The following MYC variants were observed in gnomAD, a reference collection of about 807,000 sequenced individuals.
MYC encodes MYC proto-oncogene, bHLH transcription factor.
In MYC, 1 loss-of-function variant was observed where a neutral mutation model predicts 30.5. That is an observed-to-expected ratio of 0.03 (90% confidence interval 0.01 to 0.16). MYC has a LOEUF of 0.16. MYC is among the 10% of genes least tolerant of loss of function. MYC has a pLI of 1.00. For missense variants in MYC, 508 were observed against 589.0 expected (o/e 0.86, Z 1.42); for synonymous variants, 267 against 250.7 (o/e 1.07, Z -0.62).
chr8:127,741,131 T>TC lies in MYC; in HGVS notation c.*173_*174insC. On this transcript the variant is annotated 3_prime_UTR_variant, in exon 3 of 3. Coordinates refer to ENST00000621592, the MANE Select transcript of MYC (RefSeq NM_002467.6). Reference sequence around the variant, plus strand: ...ATTGGACTTTGGGCATAAAAGAACTTTTTTATGCTTACCATCTTTTTTTTT... The same window carrying TC: ...ATTGGACTTTGGGCATAAAAGAACTTCTTTTATGCTTACCATCTTTTTTTTT... The TC allele has an allele frequency of 4.4e-6, 2 of 458,078 alleles. No individual in the cohort carries two copies. Among genetic ancestry groups the TC allele is most frequent in the Non-Finnish European group, 3.7e-6 (1 of 272,354 alleles). The allele number at this position is 458,078 out of a possible 1,614,324, so 28.4% of individuals were successfully genotyped here.
intron 1 of MYC, among the ~76,000 whole-genome samples, chr8:127,737,351 G>A (rs980987336): frequency 1.3e-5 from 2 of 152,210 alleles, no homozygotes; most frequent in African/African-American, 2.4e-5. Flanking sequence ...AAAAACCAGG[G>A]CGAATCTCCG....
At position 127,738,458 on chromosome 8, in the gene MYC, C is replaced by G. The variant is rs375402667; in HGVS notation, c.241C>G (p.Arg81Gly). The change falls in exon 2 of 3, where the codon CGC becomes GGC. Residue 81 changes from arginine (R) to glycine (G), a missense_variant. Arg to Gly is a moderately radical substitution (Grantham distance 125). Transcript: ENST00000621592. The surrounding 1 kb of genome is among the most constrained non-coding windows in gnomAD (Gnocchi z 7.6). Reference sequence around the variant, plus strand: ...CACCCCGCCCCTGTCCCCTAGCCGCCGCTCCGGGCTCTGCTCGCCCTCCTA... The same window carrying G: ...CACCCCGCCCCTGTCCCCTAGCCGCGGCTCCGGGCTCTGCTCGCCCTCCTA... 1.0e-5 allele frequency: 16 copies of G among 1,607,136 alleles called. No individual in the cohort carries two copies. The African/African-American group carries it at 1.7e-4, about 17-fold the overall frequency.
At position 127,741,866 on chromosome 8, in the gene MYC, G is replaced by C. The variant is rs1296091102; in HGVS notation, c.*908G>C. On this transcript the variant is annotated 3_prime_UTR_variant, in exon 3 of 3. Transcript: ENST00000621592. ...GACACGGTGGGAACCAGCTTCTGCT[G>C]CCTTCACAACCAGGCGCCAGTCCTG... Among the ~76,000 whole-genome samples the C allele has an allele frequency of 3.3e-5, 5 of 152,294 alleles. No homozygotes were observed. The highest frequency in any genetic ancestry group is 7.3e-5 in the Non-Finnish European group (5 of 68,036).
chr8:127,735,968 C>G (rs556426105), upstream of MYC: 54 of 398,112 alleles, frequency 1.4e-4, no homozygotes, highest in Middle Eastern at 1.9e-3. Flanking sequence ...GCGCCCCTCC[C>G]GGGTTCCCAA....
At position 127,739,013 on chromosome 8, in the gene MYC, G is replaced by T; in HGVS notation, c.796G>T (p.Asp266Tyr). ...GGAGACACCGCCCACCACCAGCAGC[G>T]ACTCTGGTAAGCGAAGCCCGCCCAG... The change falls in exon 2 of 3, where the codon GAC becomes TAC. Residue 266 changes from aspartate (D) to tyrosine (Y), a missense_variant. By Grantham distance (160) the Asp-to-Tyr change is radical. This residue lies in a region of MYC where 364 missense variants were observed against 381.1 expected (regional missense o/e 0.96). Transcript: ENST00000621592. The T allele has an allele frequency of 6.6e-7, 1 of 1,510,074 alleles. No individual in the cohort carries two copies. Among genetic ancestry groups the T allele is most frequent in the South Asian group, 1.3e-5 (1 of 76,724 alleles). The allele number at this position is 1,510,074 out of a possible 1,614,324, so 93.5% of individuals were successfully genotyped here.
Position 127,740,310 on chromosome 8 carries a change from C to T in MYC, c.803-86C>T, listed in dbSNP as rs1405851888. The T allele has an allele frequency of 1.6e-5, 21 of 1,347,614 alleles. No homozygotes were observed. In the Middle Eastern group the frequency reaches 1.5e-3, roughly 97 times the overall value. 83.5% of individuals were successfully genotyped at this position (1,347,614 alleles called of 1,614,324 possible). A position where few individuals can be genotyped will look rare whatever the true frequency, so the allele number is the denominator to read the frequency against. On this transcript the variant is annotated intron_variant, in intron 2 of 2. Transcript: ENST00000621592. ...CAGAGACCTTTCTAACGTATTCATG[C>T]CTTGTATTTGTACAGCATTAATCTG...
rs905515204 is a variant in MYC, at chr8:127,742,274, A to G, written c.*1316A>G. ...GTAGAGAGGGAAGCTGAGGCACACA[A>G]AGACTCATCCACATGCCCAAGATTC... On this transcript the variant is annotated 3_prime_UTR_variant, in exon 3 of 3. Transcript: ENST00000621592. 1.3e-5 allele frequency among the ~76,000 whole-genome samples: 2 copies of G among 152,184 alleles called. No individual in the cohort carries two copies. Among genetic ancestry groups the G allele is most frequent in the African/African-American group, 4.8e-5 (2 of 41,450 alleles).
In MYC at chr8:127,741,443, T is replaced by C. The variant is rs1189793239; in HGVS notation, c.*485T>C. 9.2e-6 allele frequency: 2 copies of C among 216,782 alleles called. No individual in the cohort carries two copies. Among genetic ancestry groups the C allele is most frequent in the Non-Finnish European group, 1.9e-5 (2 of 107,844 alleles). 13.4% of individuals were successfully genotyped at this position (216,782 alleles called of 1,614,324 possible). On this transcript the variant is annotated 3_prime_UTR_variant, in exon 3 of 3. Transcript: ENST00000621592. Reference sequence around the variant, plus strand: ...ATTGAGCCAAATCTTAAGTTGTGAATGTTTTGTTTCGTTTCTTCCCCCTCC... The same window carrying C: ...ATTGAGCCAAATCTTAAGTTGTGAACGTTTTGTTTCGTTTCTTCCCCCTCC...
Position 127,738,527 on chromosome 8 carries a change from G to C in MYC, c.310G>C (p.Gly104Arg), listed in dbSNP as rs199561469. Reference sequence around the variant, plus strand: ...CTCCCTTCGGGGAGACAACGACGGCGGTGGCGGGAGCTTCTCCACGGCCGA... The same window carrying C: ...CTCCCTTCGGGGAGACAACGACGGCCGTGGCGGGAGCTTCTCCACGGCCGA... Residue 104 changes from glycine to arginine, a missense_variant, in exon 2 of 3, where the codon GGT becomes CGT. This residue lies in a region of MYC where 364 missense variants were observed against 381.1 expected (regional missense o/e 0.96). Transcript: ENST00000621592. This position sits in a 1 kb window ranked among gnomAD's most constrained non-coding sequence, Gnocchi z 7.6. 1 of 1,611,820 alleles carries C rather than the reference G, an allele frequency of 6.2e-7. No homozygotes were observed.
intron 1 of MYC, among the ~76,000 whole-genome samples, chr8:127,737,488 G>C (rs1403541459): frequency 6.6e-6 from 1 of 152,204 alleles, no homozygotes; most frequent in Non-Finnish European, 1.5e-5. Flanking sequence ...GGGTGGCTCC[G>C]GGGGAGGTAT....
At chr8:127,739,966 CTTTTT>C (rs545674040) in intron 2 of MYC, among the ~76,000 whole-genome samples, 2 of 136,408 alleles carry the variant, frequency 1.5e-5, no homozygotes, top group African/African-American at 2.7e-5. Context: ...TAGATTGGTT[CTTTTT>C]TTTTTTTTTT....
chr8:127,737,764 G>T (rs992187451), intron 1 of MYC, among the ~76,000 whole-genome samples: 2 of 152,172 alleles, frequency 1.3e-5, no homozygotes, highest in Non-Finnish European at 2.9e-5. Context: ...GCTAGGGCGC[G>T]AGTGGGAACA....
intron 1 of MYC, among the ~76,000 whole-genome samples, chr8:127,737,632 CGAGA>C (rs1286351409): frequency 7.1e-6 from 1 of 140,794 alleles, no homozygotes. Context: ...CTCCAGCCGG[CGAGA>C]GAAAGAAGAA....
rs1813712920 is a variant in MYC, at chr8:127,741,543, C to T, written c.*585C>T. 5.4e-6 allele frequency: 1 copy of T among 186,708 alleles called. No individual in the cohort carries two copies. Among genetic ancestry groups the T allele is most frequent in the African/African-American group, 2.3e-5 (1 of 43,008 alleles). The allele number at this position is 186,708 out of a possible 1,614,324, so 11.6% of individuals were successfully genotyped here. A position where few individuals can be genotyped will look rare whatever the true frequency, so the allele number is the denominator to read the frequency against. On this transcript the variant is annotated 3_prime_UTR_variant, in exon 3 of 3. Transcript: ENST00000621592. ...GGTCTTAAGAAAGGCAAGAGTTTTC[C>T]TCTGTTGAAATGGGTCTGGGGGCCT...
Position 127,742,010 on chromosome 8 carries a change from G to A in MYC, c.*1052G>A, listed in dbSNP as rs139159192. On this transcript the variant is annotated 3_prime_UTR_variant, in exon 3 of 3. Transcript: ENST00000621592. ...GGTTATGTAACTTATCTGTAGCCAC[G>A]CAGATAATACAAAGCAGCAATCTGG... Among the ~76,000 whole-genome samples the A allele has an allele frequency of 1.1e-4, 16 of 152,290 alleles. No individual in the cohort carries two copies. The highest frequency in any genetic ancestry group is 5.8e-4 in the East Asian group (3 of 5,186).
rs4645952 is a variant in MYC at position 127,736,851 on chromosome 8, G to A, written c.30+228G>A. On this transcript the variant is annotated intron_variant, in intron 1 of 2. Coordinates refer to ENST00000621592, the MANE Select transcript of MYC (RefSeq NM_002467.6). ...AGAAGGCAGAGGGAAAACGGGAATG[G>A]TTTTTAAGACTACCCTTTCGAGATT... Among the ~76,000 whole-genome samples the A allele has an allele frequency of 3.8e-3, 571 of 152,182 alleles. 4 individuals carry two copies. Among genetic ancestry groups the A allele is most frequent in the African/African-American group, 0.013 (554 of 41,512 alleles).
chr8:127,736,743 AGAGTAGTTATGGTAACTGGGGCTGGG>A, intron 1 of MYC, 120 bp downstream of exon 1: 1 of 1,167,472 alleles, frequency 8.6e-7, no homozygotes, highest in East Asian at 2.5e-5. Context: ...CACTTTTCTC[AGAGTAGTTATGGTAACTGGGGCTGGG>A]GTGGGGGGTA....
chr8:127,740,358 C>T (rs1172621726), intron 2 of MYC, 38 bp from the exon 3 acceptor site: 4 of 1,576,718 alleles, frequency 2.5e-6, no homozygotes, highest in Non-Finnish European at 3.5e-6. Context: ...TTTAATGTAA[C>T]CTTGCTAAAG....
In MYC at chr8:127,736,509, A is replaced by C. The variant is rs1410805707; in HGVS notation, c.-85A>C. Reference sequence around the variant, plus strand: ...AGGACGCGACTCTCCCGACGCGGGGAGGCTATTCTGCCCATTTGGGGACAC... The same window carrying C: ...AGGACGCGACTCTCCCGACGCGGGGCGGCTATTCTGCCCATTTGGGGACAC... On this transcript the variant is annotated 5_prime_UTR_variant, in exon 1 of 3. Transcript: ENST00000621592. 7 of 1,464,620 alleles carry C rather than the reference A, an allele frequency of 4.8e-6. No homozygotes were observed. The African/African-American group carries it at 9.8e-5, about 21-fold the overall frequency. 90.7% of individuals were successfully genotyped at this position (1,464,620 alleles called of 1,614,324 possible).
Sources: allele counts gnomAD v4.1 joint callset (sites outside exome capture counted in the v4.1 genomes callset), GRCh38; gene constraint gnomAD v4.1.1; regional missense constraint gnomAD v4.1.1; non-coding constraint Gnocchi (gnomAD v3.1); transcripts MANE v1.5; gene names NCBI Gene and HGNC (gene_info 2026-07-23, HGNC 2026-07-21).